CDKAL1: variants seen among roughly 807,000 people sequenced by gnomAD.
CDKAL1 encodes the protein CDKAL1 threonylcarbamoyladenosine tRNA methylthiotransferase, also known as threonylcarbamoyladenosine tRNA methylthiotransferase.
A neutral mutation model predicts 68.2 loss-of-function variants in CDKAL1; 32 were observed. The ratio of observed to expected loss-of-function variants is 0.47; its 90% CI spans 0.35 to 0.63. CDKAL1 has a LOEUF of 0.63. Ranked by LOEUF, CDKAL1 falls within the 30% of genes least tolerant of loss-of-function variation. The probability of loss-of-function intolerance (pLI) is 0.00; values close to 1 mark genes in which losing one functional copy is unlikely to be tolerated. For missense variants in CDKAL1, 606 were observed against 696.7 expected (o/e 0.87, Z 1.47); for synonymous variants, 234 against 244.3 (o/e 0.96, Z 0.39).
intron 10 of CDKAL1, among the ~76,000 whole-genome samples, chr6:20,994,263 G>T (rs1766989022): frequency 6.6e-6 from 1 of 152,230 alleles, no homozygotes; most frequent in Non-Finnish European, 1.5e-5. Context: ...GGGATCACCT[G>T]AGGTCAGGAG....
chr6:20,739,823 A>G (rs1244761524), intron 6 of CDKAL1, among the ~76,000 whole-genome samples: 1 of 152,224 alleles, frequency 6.6e-6, no homozygotes, highest in Non-Finnish European at 1.5e-5. Flanking sequence ...TTCTCTCATT[A>G]AGAAAGAGCA....
intron 12 of CDKAL1, among the ~76,000 whole-genome samples, chr6:21,096,472 A>G (rs1417525295): frequency 6.6e-6 from 1 of 152,198 alleles, no homozygotes; most frequent in Non-Finnish European, 1.5e-5. Context: ...ATCTCTCCAT[A>G]AATAAAAGGA....
chr6:20,814,903 A>T (rs1219801778), intron 8 of CDKAL1, among the ~76,000 whole-genome samples: 1 of 152,160 alleles, frequency 6.6e-6, no homozygotes, highest in African/African-American at 2.4e-5. Flanking sequence ...AACTATTTTT[A>T]CATTGCTAAG....
rs566721181 is a variant in CDKAL1 at position 20,610,249 on chromosome 6, T to C, written c.287-39044T>C. ...GTGCTACAAAGAATATACACTTGCA[T>C]GTGTCTTTATAATAAAACAGTTTAT... is the stretch of plus-strand genomic sequence containing the variant. On this transcript the variant is annotated intron_variant, in intron 4 of 15. Transcript: ENST00000274695. Among the ~76,000 whole-genome samples the C allele has an allele frequency of 4.6e-5, 7 of 152,344 alleles. No individual in the cohort carries two copies. In the East Asian group the frequency reaches 1.3e-3, roughly 29 times the overall value.
chr6:20,778,106 C>T (rs1775254238), intron 7 of CDKAL1, among the ~76,000 whole-genome samples: 2 of 152,020 alleles, frequency 1.3e-5, no homozygotes, highest in African/African-American at 4.8e-5. Context: ...AAAAAAAGAG[C>T]TTAGGCCTTC....
In CDKAL1 at chr6:20,649,369, C is replaced by T. The variant is rs1335474531; in HGVS notation, c.363C>T (p.Asn121=). Residue 121 remains asparagine, a synonymous_variant, in exon 5 of 16, where the codon AAC becomes AAT. Transcript: ENST00000274695. ...VKNPAEDHFR[N]SIKKAQEENK... is the part of the protein sequence containing the mutation. ...ACCCAGCTGAAGACCACTTTAGAAA[C>T]TCAATTAAGTAAGTAGAAATTGATT... is the stretch of plus-strand genomic sequence containing the variant. 1.9e-6 allele frequency: 3 copies of T among 1,576,442 alleles called. No homozygotes were observed. The highest frequency in any genetic ancestry group is 1.1e-5 in the South Asian group (1 of 87,838).
At chr6:20,863,305 G>T (rs1179591254) in intron 9 of CDKAL1, among the ~76,000 whole-genome samples, 1 of 151,798 alleles carries the variant, frequency 6.6e-6, no homozygotes, top group Admixed American at 6.6e-5. Flanking sequence ...CCACATAATT[G>T]GTTCTGCAAT....
chr6:21,031,825 A>G (rs984660349), intron 11 of CDKAL1, among the ~76,000 whole-genome samples: 2 of 152,024 alleles, frequency 1.3e-5, no homozygotes, highest in East Asian at 1.9e-4. Context: ...AAAATGCTTC[A>G]ATACCCCAAA....
chr6:20,780,876 G>A (rs1468332846), intron 7 of CDKAL1, among the ~76,000 whole-genome samples: 8 of 152,074 alleles, frequency 5.3e-5, no homozygotes, highest in African/African-American at 1.9e-4. Context: ...GTTTCACCAT[G>A]TTGATCAGGC....
intron 4 of CDKAL1, among the ~76,000 whole-genome samples, chr6:20,549,602 ATTTATTTAT>A (rs1561917607): frequency 6.6e-6 from 1 of 150,390 alleles, no homozygotes; most frequent in African/African-American, 2.4e-5. Flanking sequence ...TTATTTATTT[ATTTATTTAT>A]TTATTTATTT....
At chr6:21,193,206 T>C (rs1778330429) in intron 13 of CDKAL1, among the ~76,000 whole-genome samples, 1 of 152,186 alleles carries the variant, frequency 6.6e-6, no homozygotes, top group South Asian at 2.1e-4. Flanking sequence ...AATTGTTTCC[T>C]GGCAGGTACT....
chr6:21,141,701 A>C lies in CDKAL1; in HGVS notation c.1299+33238A>C, dbSNP rs141317473. Among the ~76,000 whole-genome samples the C allele has an allele frequency of 1.1e-3, 168 of 152,312 alleles. 1 individual carries two copies. Among genetic ancestry groups the C allele is most frequent in the African/African-American group, 3.9e-3 (161 of 41,572 alleles). On this transcript the variant is annotated intron_variant, in intron 13 of 15. Transcript: ENST00000274695. Reference sequence around the variant, plus strand: ...GAAACCTTAGGAGTGAAGTAGGAAGAAGGGGTAGAGAAATTATCCACATAA... The same window carrying C: ...GAAACCTTAGGAGTGAAGTAGGAAGCAGGGGTAGAGAAATTATCCACATAA...
intron 12 of CDKAL1, among the ~76,000 whole-genome samples, chr6:21,076,552 G>C (rs912363519): frequency 1.3e-5 from 2 of 152,062 alleles, no homozygotes; most frequent in African/African-American, 4.8e-5. Context: ...GAATCTTTTA[G>C]CTTACTCGAT....
intron 2 of CDKAL1, among the ~76,000 whole-genome samples, chr6:20,542,580 C>G (rs1581697965): frequency 6.6e-6 from 1 of 152,052 alleles, no homozygotes; most frequent in South Asian, 2.1e-4. Context: ...GTATTCCCCC[C>G]CCATTTTTTT....
At chr6:21,100,804 A>T (rs1376602660) in intron 12 of CDKAL1, among the ~76,000 whole-genome samples, 2 of 151,864 alleles carry the variant, frequency 1.3e-5, no homozygotes, top group Non-Finnish European at 2.9e-5. Context: ...CCTTCTTCTC[A>T]TTGATCTTAA....
intron 8 of CDKAL1, among the ~76,000 whole-genome samples, chr6:20,825,822 A>AT (rs1378553016): frequency 6.6e-6 from 1 of 152,124 alleles, no homozygotes; most frequent in Non-Finnish European, 1.5e-5. Context: ...GCCAGATTCT[A>AT]AATATGGGTA....
intron 11 of CDKAL1, among the ~76,000 whole-genome samples, chr6:21,020,774 CTTTTTT>C (rs60084439): frequency 7.5e-6 from 1 of 132,832 alleles, no homozygotes; most frequent in African/African-American, 2.8e-5. Flanking sequence ...GCCTTTTTTC[CTTTTTT>C]TTTTTTTTTT....
chr6:20,860,799 G>A (rs1026576583), intron 9 of CDKAL1, among the ~76,000 whole-genome samples: 3 of 151,816 alleles, frequency 2.0e-5, no homozygotes, highest in Non-Finnish European at 4.4e-5. Flanking sequence ...ACTCCAGCCT[G>A]GCAACAGAGC....
At chr6:20,568,374 G>C (rs1003957443) in intron 4 of CDKAL1, among the ~76,000 whole-genome samples, 15 of 151,990 alleles carry the variant, frequency 9.9e-5, no homozygotes, top group Non-Finnish European at 1.6e-4. Flanking sequence ...TGTTCCAAAA[G>C]TGTGGGGGAC....
Sources: allele counts gnomAD v4.1 joint callset (sites outside exome capture counted in the v4.1 genomes callset), GRCh38; gene constraint gnomAD v4.1.1; transcripts MANE v1.5; gene names NCBI Gene and HGNC (gene_info 2026-07-23, HGNC 2026-07-21).